Variants in PDK1 observed in about 807,000 individuals in gnomAD.
PDK1 encodes [Pyruvate dehydrogenase (acetyl-transferring)] kinase isozyme 1, mitochondrial.
Under a neutral mutation model 54.2 loss-of-function variants are expected in PDK1, and 39 were observed. That is an observed-to-expected ratio of 0.72 (90% CI 0.56 to 0.94). PDK1 has a LOEUF of 0.94. Among genes scored for constraint, PDK1 ranks in the 40% least tolerant of loss-of-function variants. The pLI, the probability that PDK1 is intolerant of heterozygous loss-of-function variation, is 0.00. For missense variants in PDK1, 552 were observed against 566.0 expected (o/e 0.98, Z 0.25); for synonymous variants, 221 against 207.1 (o/e 1.07, Z -0.58).
chr2:172,667,925 A>G, the PDK1 span, among the ~76,000 whole-genome samples: 1 of 152,210 alleles, frequency 6.6e-6, no homozygotes. Context: ...TTGCTTCCAA[A>G]TGCATTGTTA....
At chr2:172,695,590 A>G in the PDK1 span, among the ~76,000 whole-genome samples, 3 of 152,124 alleles carry the variant, frequency 2.0e-5, no homozygotes, top group African/African-American at 4.8e-5. Flanking sequence ...CTTGCTCCCA[A>G]CCAATAGTAT....
At chr2:172,630,392 T>G in the PDK1 span, among the ~76,000 whole-genome samples, 1 of 152,170 alleles carries the variant, frequency 6.6e-6, no homozygotes, top group Non-Finnish European at 1.5e-5. Context: ...TTTAAATGAA[T>G]TAAAACTAAA....
the PDK1 span, among the ~76,000 whole-genome samples, chr2:172,654,673 C>T: frequency 7.2e-5 from 11 of 152,108 alleles, no homozygotes; most frequent in South Asian, 2.1e-4. Flanking sequence ...GACAAGTTAA[C>T]GAGTGCAGCA....
At chr2:172,586,184 C>A in intron 8 of PDK1, 94 bp from the exon 9 acceptor site, 1 of 700,256 alleles carries the variant, frequency 1.4e-6, no homozygotes, top group Non-Finnish European at 2.5e-6. Context: ...AAGCGCTCTC[C>A]CACCAGCAGT....
the PDK1 span, among the ~76,000 whole-genome samples, chr2:172,688,033 T>G: frequency 3.3e-4 from 50 of 152,178 alleles, no homozygotes; most frequent in Non-Finnish European, 6.9e-4. Flanking sequence ...AATCCCACAG[T>G]GGGTCAATTA....
At chr2:172,693,785 C>G in the PDK1 span, among the ~76,000 whole-genome samples, 1 of 152,132 alleles carries the variant, frequency 6.6e-6, no homozygotes, top group Non-Finnish European at 1.5e-5. Flanking sequence ...CCATATTCCC[C>G]TCACTTGGTG....
chr2:172,723,593 C>A, the PDK1 span: 25 of 151,516 alleles, frequency 1.6e-4, no homozygotes, highest in African/African-American at 3.9e-4. Context: ...TGTTTTAGAT[C>A]AAAAAAAACT....
chr2:172,578,182 A>T (rs936346946), intron 8 of PDK1, among the ~76,000 whole-genome samples: 1 of 152,236 alleles, frequency 6.6e-6, no homozygotes, highest in East Asian at 1.9e-4. Context: ...TTGGATGAGA[A>T]ATCAGCTGTT....
the PDK1 span, among the ~76,000 whole-genome samples, chr2:172,663,326 C>T: frequency 6.6e-6 from 1 of 152,184 alleles, no homozygotes; most frequent in Admixed American, 6.5e-5. Context: ...CTTGAAGATT[C>T]CTTTTCCAAA....
the PDK1 span, among the ~76,000 whole-genome samples, chr2:172,697,654 A>G: frequency 6.6e-6 from 1 of 152,332 alleles, no homozygotes; most frequent in African/African-American, 2.4e-5. Flanking sequence ...CCCAAGATTG[A>G]GAATCTTCTT....
At chr2:172,640,006 G>A in the PDK1 span, among the ~76,000 whole-genome samples, 1 of 152,228 alleles carries the variant, frequency 6.6e-6, no homozygotes, top group Non-Finnish European at 1.5e-5. Flanking sequence ...CTCAGCAACA[G>A]ATGACTAGGT....
At chr2:172,630,287 GT>G in the PDK1 span, among the ~76,000 whole-genome samples, 1 of 152,200 alleles carries the variant, frequency 6.6e-6, no homozygotes, top group South Asian at 2.1e-4. Flanking sequence ...GGACAATCTT[GT>G]ATTTTTTTCT....
At chr2:172,632,291 A>G in the PDK1 span, among the ~76,000 whole-genome samples, 1 of 151,720 alleles carries the variant, frequency 6.6e-6, no homozygotes, top group Non-Finnish European at 1.5e-5. Context: ...AAAAAAAAAA[A>G]CCTTCCCTTG....
At chr2:172,705,572 C>G in the PDK1 span, among the ~76,000 whole-genome samples, 1 of 152,228 alleles carries the variant, frequency 6.6e-6, no homozygotes, top group Non-Finnish European at 1.5e-5. Flanking sequence ...GGCTTGTACT[C>G]AGTTGTGATG....
At chr2:172,634,844 A>T in the PDK1 span, among the ~76,000 whole-genome samples, 101,683 of 151,670 alleles carry the variant, frequency 0.67, 35,531 homozygotes, top group Non-Finnish European at 0.77. Flanking sequence ...ACTCTAAGGA[A>T]ACTTTACCCT....
At chr2:172,689,799 G>A in the PDK1 span, among the ~76,000 whole-genome samples, 1 of 138,570 alleles carries the variant, frequency 7.2e-6, no homozygotes, top group Non-Finnish European at 1.6e-5. Flanking sequence ...CTAGCCATAT[G>A]TAGAAAGCTG....
the PDK1 span, among the ~76,000 whole-genome samples, chr2:172,721,578 T>C: frequency 6.6e-6 from 1 of 152,220 alleles, no homozygotes; most frequent in Non-Finnish European, 1.5e-5. Flanking sequence ...CCTCAGGTAA[T>C]CTGCCCACCT....
At chr2:172,663,825 ACTGT>A in the PDK1 span, among the ~76,000 whole-genome samples, 1 of 152,080 alleles carries the variant, frequency 6.6e-6, no homozygotes, top group African/African-American at 2.4e-5. Context: ...CACCCTTCAA[ACTGT>A]CTGTGAACCT....
chr2:172,690,948 A>G, the PDK1 span, among the ~76,000 whole-genome samples: 461 of 150,276 alleles, frequency 3.1e-3, 29 homozygotes, highest in Non-Finnish European at 4.0e-3. Flanking sequence ...ATACCTAGGT[A>G]TCAAACCTGC....
Sources: gnomAD v4.1 joint callset for allele counts (sites outside exome capture counted in the v4.1 genomes callset) on GRCh38, gnomAD v4.1.1 for gene constraint, MANE v1.5 for transcripts, NCBI Gene and HGNC (gene_info 2026-07-23, HGNC 2026-07-21) for gene names.